EPHA7: variants seen among roughly 807,000 people sequenced by gnomAD.
EPHA7 encodes EPH receptor A7.
Under a neutral mutation model 112.6 loss-of-function variants are expected in EPHA7, and 25 were observed. That is an observed-to-expected ratio of 0.22 (90% CI 0.16 to 0.31). The LOEUF is 0.31. EPHA7 is among the 10% of genes least tolerant of loss of function. The pLI is 1.00. For missense variants in EPHA7, 962 were observed against 1,212.6 expected (o/e 0.79, Z 3.07); for synonymous variants, 437 against 406.5 (o/e 1.07, Z -0.90).
chr6:93,317,565 GC>G (rs2127877474), intron 5 of EPHA7, among the ~76,000 whole-genome samples: 1 of 152,160 alleles, frequency 6.6e-6, no homozygotes, highest in Admixed American at 6.5e-5. Flanking sequence ...TTTTAATGAG[GC>G]CTTGGCATAT....
At chr6:93,327,333 T>A (rs1774371888) in intron 5 of EPHA7, among the ~76,000 whole-genome samples, 1 of 151,556 alleles carries the variant, frequency 6.6e-6, no homozygotes, top group Non-Finnish European at 1.5e-5. Context: ...CTGATTGTTC[T>A]TCATCATCCA....
chr6:93,370,141 A>G (rs146563620), intron 3 of EPHA7, among the ~76,000 whole-genome samples: 13 of 152,340 alleles, frequency 8.5e-5, no homozygotes, highest in Non-Finnish European at 1.6e-4. Context: ...GCATTTTAGG[A>G]GCATATAATT....
At chr6:93,250,174 C>A (rs930593472) in intron 14 of EPHA7, among the ~76,000 whole-genome samples, 4 of 152,070 alleles carry the variant, frequency 2.6e-5, no homozygotes, top group Non-Finnish European at 4.4e-5. Context: ...ACTTAAGGTA[C>A]TTGCTGGGAA....
At position 93,277,137 on chromosome 6, in the gene EPHA7, C is replaced by T. The variant is rs181626303; in HGVS notation, c.1325-4715G>A. 5.7e-4 allele frequency among the ~76,000 whole-genome samples: 86 copies of T among 152,146 alleles called. 1 individual carries two copies. Among genetic ancestry groups the T allele is most frequent in the Middle Eastern group, 3.4e-3 (1 of 292 alleles). On this transcript the variant is annotated intron_variant, in intron 5 of 16. Transcript: ENST00000369303. ...GAACGCTTTTCCTATTGTACGTTAT[C>T]AGCAAGAAATTCATTTTTAGCAATC...
chr6:93,274,398 T>C (rs1771371434), intron 5 of EPHA7, among the ~76,000 whole-genome samples: 1 of 151,914 alleles, frequency 6.6e-6, no homozygotes, highest in Admixed American at 6.6e-5. Context: ...TTTTTGCAAG[T>C]TATACACTAA....
rs1582375869 is a variant in EPHA7, at chr6:93,242,761, A to C, written c.*665T>G. The C allele has an allele frequency of 9.5e-6, 2 of 210,090 alleles. No individual in the cohort carries two copies. Among genetic ancestry groups the C allele is most frequent in the East Asian group, 1.5e-4 (2 of 13,762 alleles). The allele number at this position is 210,090 out of a possible 1,614,324, so 13.0% of individuals were successfully genotyped here. ...AATATCAGAGCTCTTGGCAACTTGC[A>C]TTTTCTTGACTACCTGCCAATTAGC... is the stretch of plus-strand genomic sequence containing the variant. On this transcript the variant is annotated 3_prime_UTR_variant, in exon 17 of 17. Transcript: ENST00000369303.
At chr6:93,345,090 C>CAGTATACAT (rs1283871329) in intron 5 of EPHA7, among the ~76,000 whole-genome samples, 24 of 151,578 alleles carry the variant, frequency 1.6e-4, no homozygotes, top group Non-Finnish European at 3.4e-4. Flanking sequence ...CATGTCTATA[C>CAGTATACAT]ACATAAATAC....
intron 5 of EPHA7, among the ~76,000 whole-genome samples, chr6:93,281,701 GAAAT>G (rs1771747523): frequency 6.6e-6 from 1 of 152,000 alleles, no homozygotes. Flanking sequence ...AATAAAGAGA[GAAAT>G]AATAGTATTC....
chr6:93,286,456 T>C (rs545536972), intron 5 of EPHA7, among the ~76,000 whole-genome samples: 1 of 152,238 alleles, frequency 6.6e-6, no homozygotes, highest in East Asian at 1.9e-4. Flanking sequence ...ACTGCTGCAC[T>C]AAAAAATATG....
chr6:93,333,965 A>T (rs1774730367), intron 5 of EPHA7, among the ~76,000 whole-genome samples: 1 of 151,972 alleles, frequency 6.6e-6, no homozygotes, highest in Admixed American at 6.6e-5. Context: ...CATATGAACC[A>T]AAAAAGAGCT....
chr6:93,264,030 G>T, intron 8 of EPHA7, 115 bp from the exon 9 acceptor site: 1 of 629,812 alleles, frequency 1.6e-6, no homozygotes, highest in African/African-American at 1.9e-5. Flanking sequence ...ACTGTTCATA[G>T]TTATGAATCC....
intron 5 of EPHA7, among the ~76,000 whole-genome samples, chr6:93,293,842 G>A (rs533188440): frequency 6.6e-6 from 1 of 152,228 alleles, no homozygotes; most frequent in East Asian, 1.9e-4. Flanking sequence ...TTATGATTCA[G>A]CCCTGGCATT....
intron 1 of EPHA7, among the ~76,000 whole-genome samples, chr6:93,417,614 G>C (rs1190345519): frequency 6.6e-6 from 1 of 152,176 alleles, no homozygotes; most frequent in Non-Finnish European, 1.5e-5. Context: ...GTCTGCGTGT[G>C]TTCGCGCGCG....
chr6:93,331,662 A>G (rs528752340), intron 5 of EPHA7, among the ~76,000 whole-genome samples: 1 of 151,792 alleles, frequency 6.6e-6, no homozygotes, highest in South Asian at 2.1e-4. Context: ...TACATGAAAT[A>G]TACAAACAAT....
At chr6:93,336,903 A>G (rs1435833133) in intron 5 of EPHA7, among the ~76,000 whole-genome samples, 2 of 151,860 alleles carry the variant, frequency 1.3e-5, no homozygotes, top group African/African-American at 2.4e-5. Context: ...TAAAAAAAAA[A>G]AGGAAAAACA....
At chr6:93,269,350 T>C in intron 7 of EPHA7, 127 bp downstream of exon 7, 2 of 647,342 alleles carry the variant, frequency 3.1e-6, no homozygotes, top group Non-Finnish European at 4.7e-6. Flanking sequence ...TACATTTATA[T>C]GTACATATAT....
intron 5 of EPHA7, among the ~76,000 whole-genome samples, chr6:93,323,064 C>T (rs1774155122): frequency 6.6e-6 from 1 of 151,504 alleles, no homozygotes; most frequent in Non-Finnish European, 1.5e-5. Flanking sequence ...TGGTTTTGCT[C>T]AATTGCTTTC....
At chr6:93,401,844 G>C (rs937874504) in intron 3 of EPHA7, among the ~76,000 whole-genome samples, 1 of 151,776 alleles carries the variant, frequency 6.6e-6, no homozygotes, top group Non-Finnish European at 1.5e-5. Context: ...ATATAGCTGT[G>C]TCAAAATTCT....
intron 3 of EPHA7, among the ~76,000 whole-genome samples, chr6:93,407,599 G>C (rs1778783385): frequency 6.6e-6 from 1 of 151,986 alleles, no homozygotes; most frequent in Non-Finnish European, 1.5e-5. Context: ...ATATTCTTTC[G>C]ATTAAACCAT....
Sources: gnomAD v4.1 joint callset for allele counts (sites outside exome capture counted in the v4.1 genomes callset) on GRCh38, gnomAD v4.1.1 for gene constraint, MANE v1.5 for transcripts, NCBI Gene and HGNC (gene_info 2026-07-23, HGNC 2026-07-21) for gene names.